Variants in PDS5B observed in about 807,000 individuals in gnomAD.
PDS5B encodes the protein PDS5 cohesin associated factor B, also known as sister chromatid cohesion protein PDS5 homolog B.
In PDS5B, 51 loss-of-function variants were observed where a neutral mutation model predicts 184.1. The ratio of observed to expected loss-of-function variants is 0.28; its 90% CI spans 0.22 to 0.35. The LOEUF is 0.35. PDS5B is among the 10% of genes least tolerant of loss of function. PDS5B has a pLI of 1.00. For synonymous variants in PDS5B, 566 were observed against 569.2 expected (o/e 0.99, Z 0.08); for missense variants, 1,180 against 1,723.3 (o/e 0.68, Z 5.58).
Position 32,775,095 on chromosome 13 carries a change from ATC to A in PDS5B, c.*45_*46del. On this transcript the variant is annotated 3_prime_UTR_variant, in exon 35 of 35. Transcript: ENST00000315596. ...CTTTCTCTGTGAAAGCTTTGGAAAAATCTTTTTTTTTTTTTTTGGTCAAGCTT... is the reference window on the plus strand; with the variant it reads ...CTTTCTCTGTGAAAGCTTTGGAAAAATTTTTTTTTTTTTTTGGTCAAGCTT... The A allele has an allele frequency of 1.8e-6, 1 of 547,628 alleles. No homozygotes were observed. The highest frequency in any genetic ancestry group is 2.6e-6 in the Non-Finnish European group (1 of 388,742). 33.9% of individuals were successfully genotyped at this position (547,628 alleles called of 1,614,324 possible).
chr13:32,754,476 C>T (rs558390573), intron 25 of PDS5B, among the ~76,000 whole-genome samples: 1 of 152,268 alleles, frequency 6.6e-6, no homozygotes, highest in African/African-American at 2.4e-5. Context: ...AAATTGCCTC[C>T]TGTTTCCAGA....
chr13:32,760,652 A>G lies in PDS5B; in HGVS notation c.3450A>G (p.Ser1150=), dbSNP rs780358298. The G allele has an allele frequency of 6.2e-7, 1 of 1,614,068 alleles. No individual in the cohort carries two copies. The highest frequency in any genetic ancestry group is 8.5e-7 in the Non-Finnish European group (1 of 1,179,936). ...SAGKQSQTKS[S]RMETVSNASS... ...GCAAGCAATCTCAGACCAAATCATCACGAATGGAAACTGTAAGCAATGCAA... is the reference window on the plus strand; with the variant it reads ...GCAAGCAATCTCAGACCAAATCATCGCGAATGGAAACTGTAAGCAATGCAA... Residue 1150 remains serine, a synonymous_variant, in exon 30 of 35, where the codon TCA becomes TCG. Coordinates refer to ENST00000315596, the MANE Select transcript of PDS5B (RefSeq NM_015032.4).
At chr13:32,759,250 T>TA (rs1954293004) in intron 28 of PDS5B, among the ~76,000 whole-genome samples, 1 of 152,166 alleles carries the variant, frequency 6.6e-6, no homozygotes, top group African/African-American at 2.4e-5. Context: ...AGTTAAGACC[T>TA]TACCAGTGTA....
At chr13:32,696,560 A>G (rs570128295) in intron 14 of PDS5B, among the ~76,000 whole-genome samples, 3 of 151,924 alleles carry the variant, frequency 2.0e-5, no homozygotes, top group South Asian at 2.1e-4. Flanking sequence ...AAAAAAAAAA[A>G]CAAAACCCCA....
In PDS5B at chr13:32,678,322, A is replaced by G. The variant is rs76866051; in HGVS notation, c.963-513A>G. On this transcript the variant is annotated intron_variant, in intron 9 of 34. Transcript: ENST00000315596. ...CCTTGCCGTTAGTGGCAGTGTAATA[A>G]TGGTGATGATTAATTGGATAGTAGT... 6.3e-3 allele frequency among the ~76,000 whole-genome samples: 951 copies of G among 151,448 alleles called. 6 individuals are homozygous for G. The highest frequency in any genetic ancestry group is 0.022 in the African/African-American group (914 of 40,712).
intron 26 of PDS5B, among the ~76,000 whole-genome samples, chr13:32,757,152 C>T (rs1259158572): frequency 6.6e-6 from 1 of 151,664 alleles, no homozygotes; most frequent in Non-Finnish European, 1.5e-5. Flanking sequence ...AAAATTAGTT[C>T]TATCAAAATT....
intron 3 of PDS5B, chr13:32,652,529 T>C (rs1950391925): frequency 1.4e-5 from 2 of 147,872 alleles, no homozygotes; most frequent in African/African-American, 2.5e-5. Context: ...CTTGAGTTCA[T>C]GAGTTTGAGG....
rs1415430945 is a variant in PDS5B at position 32,777,844 on chromosome 13, A to T, written c.*2792A>T. 6.6e-6 allele frequency: 1 copy of T among 152,376 alleles called. No homozygotes were observed. The highest frequency in any genetic ancestry group is 1.5e-5 in the Non-Finnish European group (1 of 67,838). The allele number at this position is 152,376 out of a possible 1,614,324, so 9.4% of individuals were successfully genotyped here. A position where few individuals can be genotyped will look rare whatever the true frequency, so the allele number is the denominator to read the frequency against. On this transcript the variant is annotated 3_prime_UTR_variant, in exon 35 of 35. Coordinates refer to ENST00000315596, the MANE Select transcript of PDS5B (RefSeq NM_015032.4). ...ATAACTTGTAAGTCTGATTTTTAAG[A>T]TTTCCTTTTGTCCACTTGTAAGAAT...
Position 32,759,678 on chromosome 13 carries a change from C to T in PDS5B, c.3360C>T (p.Phe1120=), listed in dbSNP as rs775944007. Residue 1120 remains phenylalanine (F), a synonymous_variant, in exon 29 of 35, where the codon TTC becomes TTT. Coordinates refer to ENST00000315596, the MANE Select transcript of PDS5B (RefSeq NM_015032.4). ...NYLPPEMKSF[F]TPGKPKTTNV... is the part of the protein sequence containing the mutation. ...TGCCTCCTGAAATGAAATCATTTTT[C>T]ACTCCTGGAAAAGTATGTTTTGAGA... is the stretch of plus-strand genomic sequence containing the variant. 7.7e-6 allele frequency: 12 copies of T among 1,554,208 alleles called. No homozygotes were observed. In the East Asian group the frequency reaches 2.7e-4, roughly 35 times the overall value.
intron 9 of PDS5B, among the ~76,000 whole-genome samples, chr13:32,677,318 ATATT>A (rs1951098753): frequency 6.6e-6 from 1 of 152,016 alleles, no homozygotes. Context: ...TACTGTATAT[ATATT>A]TATTATATCT....
At chr13:32,733,837 T>G (rs1399005110) in intron 20 of PDS5B, among the ~76,000 whole-genome samples, 1 of 152,130 alleles carries the variant, frequency 6.6e-6, no homozygotes. Flanking sequence ...TAAACGTACT[T>G]TTCCAGAGAT....
intron 3 of PDS5B, among the ~76,000 whole-genome samples, chr13:32,655,214 CA>C (rs1207518298): frequency 6.7e-6 from 1 of 149,990 alleles, no homozygotes; most frequent in Non-Finnish European, 1.5e-5. Context: ...GACTTTTTAA[CA>C]ATAGCCATTC....
chr13:32,746,221 A>G, intron 24 of PDS5B, 121 bp downstream of exon 24: 1 of 831,454 alleles, frequency 1.2e-6, no homozygotes, highest in Non-Finnish European at 1.8e-6. Context: ...TTTCTGAAAA[A>G]TTTATGCATG....
intron 21 of PDS5B, among the ~76,000 whole-genome samples, chr13:32,738,698 G>A (rs1003137048): frequency 1.3e-5 from 2 of 151,518 alleles, no homozygotes; most frequent in African/African-American, 4.9e-5. Context: ...TTGAGATGGA[G>A]TCTCACTCTG....
chr13:32,656,207 A>G (rs1200915304), intron 3 of PDS5B, among the ~76,000 whole-genome samples: 1 of 148,636 alleles, frequency 6.7e-6, no homozygotes. Context: ...TACCAGTACC[A>G]TGCTGTTTTG....
chr13:32,747,587 A>C (rs1309244459), intron 24 of PDS5B, among the ~76,000 whole-genome samples: 2 of 64,728 alleles, frequency 3.1e-5, no homozygotes, highest in Admixed American at 1.6e-4. Flanking sequence ...ACTCCATCTC[A>C]AAAAAAAAAA....
At chr13:32,605,319 C>T (rs1441924226) in intron 1 of PDS5B, among the ~76,000 whole-genome samples, 8 of 152,266 alleles carry the variant, frequency 5.3e-5, no homozygotes, top group South Asian at 4.2e-4. Flanking sequence ...GCCTTCATTT[C>T]GTTAAATGTA....
chr13:32,677,709 G>C (rs1028575280), intron 9 of PDS5B, among the ~76,000 whole-genome samples: 1 of 151,398 alleles, frequency 6.6e-6, no homozygotes, highest in Non-Finnish European at 1.5e-5. Flanking sequence ...TGAGTAATTT[G>C]GTGCTGGTTT....
chr13:32,673,361 C>T lies in PDS5B; in HGVS notation c.846+5C>T. The T allele has an allele frequency of 6.2e-7, 1 of 1,603,378 alleles. No individual in the cohort carries two copies. Among genetic ancestry groups the T allele is most frequent in the Non-Finnish European group, 8.5e-7 (1 of 1,174,958 alleles). ...CAGCTTGAATTTAAATTAAAGGTAA[C>T]TTGTAAAAATAATATGATTCTACCA... On this transcript the variant is annotated splice_donor_5th_base_variant and intron_variant, in intron 8 of 34. Coordinates refer to ENST00000315596, the MANE Select transcript of PDS5B (RefSeq NM_015032.4).
Sources: gnomAD v4.1 joint callset for allele counts (sites outside exome capture counted in the v4.1 genomes callset) on GRCh38, gnomAD v4.1.1 for gene constraint, MANE v1.5 for transcripts, NCBI Gene and HGNC (gene_info 2026-07-23, HGNC 2026-07-21) for gene names.